SYNPR: variants seen among roughly 807,000 people sequenced by gnomAD.
The protein encoded by SYNPR is synaptoporin.
A neutral mutation model predicts 32.9 loss-of-function variants in SYNPR; 23 were observed. The ratio of observed to expected loss-of-function variants is 0.70; its 90% CI spans 0.50 to 0.99. The LOEUF is 0.99. SYNPR is among the 50% of genes least tolerant of loss of function. SYNPR has a pLI of 0.00. For missense variants in SYNPR, 318 were observed against 349.3 expected (o/e 0.91, Z 0.71); for synonymous variants, 146 against 135.9 (o/e 1.07, Z -0.52).
chr3:63,493,653 T>C lies in SYNPR; in HGVS notation c.209+12697T>C, dbSNP rs182087989. Among the ~76,000 whole-genome samples, 78 of 151,828 alleles carry C rather than the reference T, an allele frequency of 5.1e-4. No homozygotes were observed. The East Asian group carries it at 0.014, about 28-fold the overall frequency. ...CAACATGGTGAAACCTCATCTCTAC[T>C]GAAAATACAAAAATTAGCCAGGCAT... On this transcript the variant is annotated intron_variant, in intron 3 of 5. Coordinates refer to ENST00000478300, the MANE Select transcript of SYNPR (RefSeq NM_001130003.2).
intron 2 of SYNPR, among the ~76,000 whole-genome samples, chr3:63,402,333 G>T (rs564606877): frequency 6.6e-6 from 1 of 152,240 alleles, no homozygotes; most frequent in South Asian, 2.1e-4. Context: ...GGGGCTAAGG[G>T]TAGAACGGGG....
chr3:63,524,321 T>C (rs1285679662), intron 3 of SYNPR, among the ~76,000 whole-genome samples: 1 of 152,348 alleles, frequency 6.6e-6, no homozygotes, highest in Middle Eastern at 3.4e-3. Context: ...TCCGACAAGC[T>C]ATACTTCTGT....
chr3:63,535,167 A>T (rs998035266), intron 3 of SYNPR, among the ~76,000 whole-genome samples: 3 of 152,172 alleles, frequency 2.0e-5, no homozygotes, highest in Non-Finnish European at 4.4e-5. Context: ...ACATGCATAC[A>T]TACAATTACA....
At chr3:63,583,069 G>A (rs189937289) in intron 4 of SYNPR, among the ~76,000 whole-genome samples, 36 of 152,248 alleles carry the variant, frequency 2.4e-4, no homozygotes, top group Middle Eastern at 3.4e-3. Context: ...GCAGTGGAAA[G>A]TTACAGACTG....
the SYNPR span, among the ~76,000 whole-genome samples, chr3:63,219,096 T>C: frequency 6.6e-6 from 1 of 152,046 alleles, no homozygotes; most frequent in South Asian, 2.1e-4. Context: ...TATGAAGGAA[T>C]TGAAGAGAAA....
intron 2 of SYNPR, among the ~76,000 whole-genome samples, chr3:63,409,098 A>G (rs974446938): frequency 9.2e-5 from 14 of 152,122 alleles, no homozygotes; most frequent in African/African-American, 2.9e-4. Flanking sequence ...TCTTGTTCCA[A>G]TGTTATCATG....
intron 2 of SYNPR, among the ~76,000 whole-genome samples, chr3:63,264,792 G>A (rs1488196781): frequency 6.6e-6 from 1 of 152,132 alleles, no homozygotes; most frequent in South Asian, 2.1e-4. Flanking sequence ...GGAGAGGCAG[G>A]CACTTTCCTC....
At chr3:63,493,298 G>A (rs1389072902) in intron 3 of SYNPR, among the ~76,000 whole-genome samples, 5 of 152,056 alleles carry the variant, frequency 3.3e-5, no homozygotes, top group African/African-American at 4.8e-5. Context: ...AAACTGACTC[G>A]CTAGTCAGAT....
chr3:63,361,356 G>C (rs7651203), intron 2 of SYNPR, among the ~76,000 whole-genome samples: 5 of 152,122 alleles, frequency 3.3e-5, no homozygotes, highest in Non-Finnish European at 7.4e-5. Flanking sequence ...GGGAGGCCAA[G>C]GTGGGTGGAT....
chr3:63,601,429 T>C (rs1248624609), intron 4 of SYNPR, among the ~76,000 whole-genome samples: 1 of 152,178 alleles, frequency 6.6e-6, no homozygotes, highest in Non-Finnish European at 1.5e-5. Context: ...GGGGGCTTGG[T>C]GTACCAATTA....
chr3:63,231,265 T>C (rs1160662768), intron 1 of SYNPR, among the ~76,000 whole-genome samples: 1 of 150,096 alleles, frequency 6.7e-6, no homozygotes, highest in African/African-American at 2.4e-5. Flanking sequence ...CACTTATAAG[T>C]GGGAGCTAAG....
intron 2 of SYNPR, among the ~76,000 whole-genome samples, chr3:63,337,429 G>A (rs916542082): frequency 4.6e-5 from 7 of 151,972 alleles, no homozygotes; most frequent in Non-Finnish European, 8.8e-5. Flanking sequence ...ATGCAAAATG[G>A]TACAGTCACT....
chr3:63,417,908 C>T (rs780076812), intron 2 of SYNPR, among the ~76,000 whole-genome samples: 1 of 152,332 alleles, frequency 6.6e-6, no homozygotes, highest in South Asian at 2.1e-4. Context: ...GGAGGGGCTG[C>T]TGTGAAGCCC....
At chr3:63,589,380 G>C (rs370322810) in intron 4 of SYNPR, among the ~76,000 whole-genome samples, 1 of 152,066 alleles carries the variant, frequency 6.6e-6, no homozygotes, top group Non-Finnish European at 1.5e-5. Context: ...ACCAGAATGA[G>C]TACTAGGACC....
Position 63,441,885 on chromosome 3 carries a change from G to A in SYNPR, c.85-38947G>A, listed in dbSNP as rs114276172. On this transcript the variant is annotated intron_variant, in intron 2 of 5. Coordinates refer to ENST00000478300, the MANE Select transcript of SYNPR (RefSeq NM_001130003.2). Reference sequence around the variant, plus strand: ...TGTAGGTGAAAGCACTGCCTTGCCCGTTGTTCATTTCTTCCCCACACCTTC... The same window carrying A: ...TGTAGGTGAAAGCACTGCCTTGCCCATTGTTCATTTCTTCCCCACACCTTC... 8.4e-3 allele frequency among the ~76,000 whole-genome samples: 1,272 copies of A among 152,224 alleles called. 21 individuals are homozygous for A. The highest frequency in any genetic ancestry group is 0.032 in the East Asian group (167 of 5,162).
chr3:63,251,719 G>A (rs2106889838), intron 1 of SYNPR, among the ~76,000 whole-genome samples: 1 of 152,132 alleles, frequency 6.6e-6, no homozygotes, highest in South Asian at 2.1e-4. Flanking sequence ...CGTAATCAGT[G>A]ACCGAGGACC....
intron 2 of SYNPR, among the ~76,000 whole-genome samples, chr3:63,472,119 G>A (rs1170167046): frequency 1.3e-5 from 2 of 152,208 alleles, no homozygotes; most frequent in Non-Finnish European, 2.9e-5. Context: ...GATGCTTCAT[G>A]TAGCCCTCAT....
At chr3:63,391,316 T>C (rs1322867554) in intron 2 of SYNPR, among the ~76,000 whole-genome samples, 1 of 152,226 alleles carries the variant, frequency 6.6e-6, no homozygotes, top group African/African-American at 2.4e-5. Flanking sequence ...AAGTCTCATA[T>C]AGCCATTTAT....
At chr3:63,514,946 A>T (rs1701768079) in intron 3 of SYNPR, among the ~76,000 whole-genome samples, 1 of 152,116 alleles carries the variant, frequency 6.6e-6, no homozygotes, top group African/African-American at 2.4e-5. Context: ...CGTTACAGAG[A>T]TAAATGTTGT....
Sources: gnomAD v4.1 joint callset for allele counts (sites outside exome capture counted in the v4.1 genomes callset) on GRCh38, gnomAD v4.1.1 for gene constraint, MANE v1.5 for transcripts, NCBI Gene and HGNC (gene_info 2026-07-23, HGNC 2026-07-21) for gene names.